The following MARCHF1 variants were observed in gnomAD, a reference collection of about 807,000 sequenced individuals.
The protein encoded by MARCHF1 is membrane associated ring-CH-type finger 1.
MARCHF1 carries 40 observed loss-of-function variants against 54.2 expected under a neutral mutation model. The ratio of observed to expected loss-of-function variants is 0.74; its 90% confidence interval spans 0.57 to 0.96. MARCHF1 has a LOEUF of 0.96. Among genes scored for constraint, MARCHF1 ranks in the 40% least tolerant of loss-of-function variants. The pLI, the probability that MARCHF1 is intolerant of heterozygous loss-of-function variation, is 0.00. For synonymous variants in MARCHF1, 236 were observed against 236.3 expected (o/e 1.00, Z 0.01); for missense variants, 586 against 656.5 (o/e 0.89, Z 1.17).
At chr4:163,615,412 T>C (rs1361292862) in intron 5 of MARCHF1, among the ~76,000 whole-genome samples, 1 of 151,976 alleles carries the variant, frequency 6.6e-6, no homozygotes, top group Admixed American at 6.6e-5. Flanking sequence ...CAAAAATCAA[T>C]AGTGTTTCCA....
intron 3 of MARCHF1, among the ~76,000 whole-genome samples, chr4:163,898,947 A>T (rs1750876796): frequency 6.6e-6 from 1 of 152,208 alleles, no homozygotes. Context: ...AGAAAATCAA[A>T]TACCACATGT....
At chr4:163,847,876 C>T (rs997721176) in intron 4 of MARCHF1, among the ~76,000 whole-genome samples, 19 of 152,254 alleles carry the variant, frequency 1.2e-4, no homozygotes, top group African/African-American at 4.1e-4. Flanking sequence ...CCACTGCACC[C>T]GGCTGAGTTA....
chr4:163,900,968 G>A (rs993882444), intron 3 of MARCHF1, among the ~76,000 whole-genome samples: 2 of 152,104 alleles, frequency 1.3e-5, no homozygotes, highest in Admixed American at 6.5e-5. Flanking sequence ...GATGTTTATG[G>A]CAGATCCTGG....
intron 4 of MARCHF1, among the ~76,000 whole-genome samples, chr4:163,851,900 A>G (rs762054268): frequency 6.6e-6 from 1 of 152,188 alleles, no homozygotes; most frequent in Non-Finnish European, 1.5e-5. Context: ...TTGGCAGTGA[A>G]CCTCCAAGGA....
chr4:163,629,123 A>C (rs571218771), intron 5 of MARCHF1, among the ~76,000 whole-genome samples: 2 of 152,310 alleles, frequency 1.3e-5, no homozygotes, highest in Non-Finnish European at 2.9e-5. Context: ...AAAAGAACAA[A>C]GCTGGAGGCA....
At chr4:164,224,857 A>G (rs994132117) in intron 1 of MARCHF1, among the ~76,000 whole-genome samples, 2 of 152,110 alleles carry the variant, frequency 1.3e-5, no homozygotes, top group Non-Finnish European at 2.9e-5. Context: ...AAGGAGAAAG[A>G]GAAACACGCT....
rs1172897283 is a variant in MARCHF1 at position 164,244,255 on chromosome 4, A to G, written c.-322-132593T>C. On this transcript the variant is annotated intron_variant, in intron 1 of 9. Transcript: ENST00000514618. ...AAAAGAACAGAAATTATAACAAACT[A>G]TCTCTCAGACCACAGTGCAATCAAA... Among the ~76,000 whole-genome samples, 3 of 151,716 alleles carry G rather than the reference A, an allele frequency of 2.0e-5. No individual in the cohort carries two copies. The South Asian group carries it at 6.2e-4, about 31-fold the overall frequency.
chr4:164,350,968 G>A (rs1730296456), intron 1 of MARCHF1, among the ~76,000 whole-genome samples: 3 of 152,044 alleles, frequency 2.0e-5, no homozygotes, highest in Admixed American at 2.0e-4. Flanking sequence ...AAGGGGTCAG[G>A]GAGTTCCCTT....
At chr4:163,614,084 C>G (rs1331035083) in intron 5 of MARCHF1, among the ~76,000 whole-genome samples, 1 of 152,042 alleles carries the variant, frequency 6.6e-6, no homozygotes, top group African/African-American at 2.4e-5. Flanking sequence ...CTCTATTTGA[C>G]TTTAACCTGT....
At chr4:164,179,263 G>C (rs1476073092) in intron 1 of MARCHF1, among the ~76,000 whole-genome samples, 1 of 152,136 alleles carries the variant, frequency 6.6e-6, no homozygotes, top group Non-Finnish European at 1.5e-5. Context: ...CTCTACACCA[G>C]TACAGGATTC....
At chr4:164,160,119 A>C (rs1394433913) in intron 1 of MARCHF1, among the ~76,000 whole-genome samples, 1 of 152,156 alleles carries the variant, frequency 6.6e-6, no homozygotes, top group Non-Finnish European at 1.5e-5. Context: ...ATAAAGTATA[A>C]TGGTTTTATT....
At chr4:164,297,635 T>C (rs1734445678) in intron 1 of MARCHF1, among the ~76,000 whole-genome samples, 1 of 151,696 alleles carries the variant, frequency 6.6e-6, no homozygotes, top group Non-Finnish European at 1.5e-5. Context: ...AGAAAAAGGG[T>C]ATTAGTGAAA....
intron 2 of MARCHF1, among the ~76,000 whole-genome samples, chr4:164,026,345 A>G (rs1753768107): frequency 6.6e-6 from 1 of 152,148 alleles, no homozygotes; most frequent in Non-Finnish European, 1.5e-5. Flanking sequence ...AGAAAATATT[A>G]ACAAACAAAA....
intron 1 of MARCHF1, among the ~76,000 whole-genome samples, chr4:164,206,752 G>A (rs1320038032): frequency 6.6e-6 from 1 of 151,954 alleles, no homozygotes; most frequent in African/African-American, 2.4e-5. Flanking sequence ...CTTTGAATTG[G>A]GGTCTCACTC....
chr4:163,640,884 A>G (rs1488526081), intron 5 of MARCHF1, among the ~76,000 whole-genome samples: 2 of 152,092 alleles, frequency 1.3e-5, no homozygotes, highest in Non-Finnish European at 2.9e-5. Flanking sequence ...TTGACATATT[A>G]TCTATCGCGA....
intron 4 of MARCHF1, among the ~76,000 whole-genome samples, chr4:163,766,921 G>T (rs1029405407): frequency 6.6e-6 from 1 of 151,916 alleles, no homozygotes; most frequent in African/African-American, 2.4e-5. Flanking sequence ...AGTTTCCTCA[G>T]ATTTTTAAAC....
chr4:163,665,011 AT>A (rs1203771025), intron 5 of MARCHF1, among the ~76,000 whole-genome samples: 1 of 152,026 alleles, frequency 6.6e-6, no homozygotes, highest in Non-Finnish European at 1.5e-5. Context: ...CAATTTTAAT[AT>A]TTTTTTGGAG....
chr4:164,115,402 C>T (rs1377498913), intron 1 of MARCHF1, among the ~76,000 whole-genome samples: 2 of 151,998 alleles, frequency 1.3e-5, no homozygotes, highest in Admixed American at 1.3e-4. Flanking sequence ...ACATAATATA[C>T]ATAATTTTGA....
intron 1 of MARCHF1, among the ~76,000 whole-genome samples, chr4:164,321,773 A>G (rs1735148479): frequency 6.6e-6 from 1 of 152,156 alleles, no homozygotes; most frequent in East Asian, 1.9e-4. Context: ...GACAGGGAAG[A>G]TAAAGAGGAA....
Sources: gnomAD v4.1 joint callset for allele counts (sites outside exome capture counted in the v4.1 genomes callset) on GRCh38, gnomAD v4.1.1 for gene constraint, MANE v1.5 for transcripts, NCBI Gene and HGNC (gene_info 2026-07-23, HGNC 2026-07-21) for gene names.